The following CCDC7 variants were observed in gnomAD, a reference collection of about 807,000 sequenced individuals.
The protein encoded by CCDC7 is coiled-coil domain containing 7, also known as coiled-coil domain-containing protein 7.
CCDC7 carries 183 observed loss-of-function variants against 196.9 expected under a neutral mutation model. The ratio of observed to expected loss-of-function variants is 0.93; its 90% CI spans 0.82 to 1.05. CCDC7 has a LOEUF of 1.05. Among genes scored for constraint, CCDC7 ranks in the 50% least tolerant of loss-of-function variants. The probability of loss-of-function intolerance (pLI) is 0.00; values close to 1 mark genes in which losing one functional copy is unlikely to be tolerated. For synonymous variants in CCDC7, 525 were observed against 484.6 expected, an observed-to-expected ratio of 1.08 and a Z score of -1.10; for missense variants, 1,540 against 1,482.2, an observed-to-expected ratio of 1.04 and a Z score of -0.64.
Position 32,673,248 on chromosome 10 carries a change from T to C in CCDC7, c.2122+9087T>C, listed in dbSNP as rs2074358003. Among the ~76,000 whole-genome samples the C allele has an allele frequency of 2.0e-5, 3 of 152,164 alleles. 1 individual carries two copies. In the South Asian group the frequency reaches 6.2e-4, roughly 32 times the overall value. On this transcript the variant is annotated intron_variant, in intron 21 of 41. Transcript: ENST00000639629. Reference sequence around the variant, plus strand: ...TATGATGCCTCCAGTTTTTTTTTCTTGCTCCAGATTGCTTTGACTATTTGG... The same window carrying C: ...TATGATGCCTCCAGTTTTTTTTTCTCGCTCCAGATTGCTTTGACTATTTGG...
chr10:32,833,334 T>C (rs1309157960), intron 32 of CCDC7, among the ~76,000 whole-genome samples: 1 of 132,486 alleles, frequency 7.5e-6, no homozygotes, highest in Non-Finnish European at 1.6e-5. Flanking sequence ...GCAAATTGTA[T>C]GATATATTAC....
chr10:32,724,203 A>T (rs796913908), intron 25 of CCDC7, among the ~76,000 whole-genome samples: 2 of 152,096 alleles, frequency 1.3e-5, no homozygotes, highest in African/African-American at 4.8e-5. Context: ...GAAGTGCTCT[A>T]TGGGACTCCC....
intron 18 of CCDC7, among the ~76,000 whole-genome samples, chr10:32,588,796 G>A (rs192935165): frequency 8.9e-4 from 135 of 152,032 alleles, no homozygotes; most frequent in African/African-American, 3.0e-3. Context: ...TGTTGAAAGC[G>A]TTATGATTAC....
chr10:32,727,862 G>A (rs2083351991), intron 26 of CCDC7, among the ~76,000 whole-genome samples: 1 of 152,108 alleles, frequency 6.6e-6, no homozygotes, highest in East Asian at 1.9e-4. Context: ...TGGCATGAAA[G>A]AACCTAGAAA....
At chr10:32,649,131 G>T in intron 20 of CCDC7, among the ~76,000 whole-genome samples, 1 of 152,100 alleles carries the variant, frequency 6.6e-6, no homozygotes, top group East Asian at 1.9e-4. Flanking sequence ...ATACATGGGG[G>T]GATCAACACA....
At chr10:32,492,095 GTT>G in intron 9 of CCDC7, 98 bp downstream of exon 10, 1 of 1,186,132 alleles carries the variant, frequency 8.4e-7, no homozygotes, top group Non-Finnish European at 1.1e-6. Flanking sequence ...ATTGAAAAAA[GTT>G]AGTACGTGTT....
chr10:32,859,161 A>G (rs565937733), intron 41 of CCDC7, among the ~76,000 whole-genome samples: 2 of 152,178 alleles, frequency 1.3e-5, no homozygotes, highest in Non-Finnish European at 2.9e-5. Context: ...TGACCACTTA[A>G]TTGGAAGTAA....
chr10:32,582,106 C>CTATATA (rs6143863), intron 16 of CCDC7, among the ~76,000 whole-genome samples: 1,698 of 103,472 alleles, frequency 0.016, 72 homozygotes, highest in Middle Eastern at 0.032. Context: ...ACTGTCAGCA[C>CTATATA]TATATATATA....
intron 21 of CCDC7, among the ~76,000 whole-genome samples, chr10:32,666,402 G>A (rs1180865961): frequency 2.6e-5 from 4 of 151,714 alleles, no homozygotes; most frequent in African/African-American, 7.3e-5. Flanking sequence ...TATACTTTAC[G>A]TTCTAGGGTA....
At chr10:32,626,503 T>C (rs778984769) in intron 18 of CCDC7, among the ~76,000 whole-genome samples, 13 of 151,994 alleles carry the variant, frequency 8.6e-5, no homozygotes, top group African/African-American at 1.4e-4. Flanking sequence ...TTTCTCCTAA[T>C]TCATAGGTTG....
chr10:32,706,549 T>G (rs2079792674), intron 24 of CCDC7, among the ~76,000 whole-genome samples: 1 of 151,610 alleles, frequency 6.6e-6, no homozygotes, highest in African/African-American at 2.4e-5. Context: ...TTTGAAACAG[T>G]CAACAGAATA....
intron 21 of CCDC7, among the ~76,000 whole-genome samples, 154 bp downstream of exon 22, chr10:32,664,315 A>T (rs1489912766): frequency 6.6e-6 from 1 of 152,102 alleles, no homozygotes; most frequent in South Asian, 2.1e-4. Flanking sequence ...AATTGTGGAA[A>T]ATAAAATCAA....
At chr10:32,474,080 C>A in intron 8 of CCDC7, 57 bp downstream of exon 9, 1 of 1,550,746 alleles carries the variant, frequency 6.4e-7, no homozygotes, top group Non-Finnish European at 8.8e-7. Flanking sequence ...ACATTAATTT[C>A]TATAAAGTAA....
intron 9 of CCDC7, among the ~76,000 whole-genome samples, chr10:32,503,705 GTTC>G (rs200805899): frequency 0.017 from 2,640 of 152,222 alleles, 38 homozygotes; most frequent in Admixed American, 0.029. Context: ...GATTGTATTA[GTTC>G]TTCTTTAAAT....
intron 28 of CCDC7, among the ~76,000 whole-genome samples, chr10:32,750,081 G>A (rs2075421893): frequency 1.3e-5 from 2 of 152,016 alleles, no homozygotes; most frequent in Non-Finnish European, 2.9e-5. Context: ...CAACCTAATA[G>A]TTTTACCATT....
At chr10:32,704,476 A>G (rs1158531961) in intron 24 of CCDC7, among the ~76,000 whole-genome samples, 1 of 152,154 alleles carries the variant, frequency 6.6e-6, no homozygotes, top group Admixed American at 6.5e-5. Context: ...TTGAGGAGGC[A>G]GTCAGTCCAT....
Position 32,640,867 on chromosome 10 carries a change from T to TTC in CCDC7, c.2014+5710_2014+5711insCT, listed in dbSNP as rs1165259500. Among the ~76,000 whole-genome samples the TTC allele has an allele frequency of 3.1e-5, 2 of 65,004 alleles. 1 individual carries two copies. Among genetic ancestry groups the TTC allele is most frequent in the Non-Finnish European group, 1.0e-4 (2 of 19,906 alleles). The allele number at this position is 65,004 out of a possible 152,430, so 42.6% of individuals were successfully genotyped here. On this transcript the variant is annotated intron_variant, in intron 20 of 41. Transcript: ENST00000639629. The stretch of plus-strand genomic sequence containing the variant: ...TCTCTTCTGGCTTGTAGATTTTCTT[T>TTC]TTTTTTTTCTTTTTTTTTTTATTAT...
Position 32,830,394 on chromosome 10 carries a change from A to G in CCDC7, c.3269-4421A>G, listed in dbSNP as rs987834665. 1.2e-4 allele frequency among the ~76,000 whole-genome samples: 18 copies of G among 151,694 alleles called. 1 individual carries two copies. The highest frequency in any genetic ancestry group is 4.3e-4 in the African/African-American group (18 of 41,406). On this transcript the variant is annotated intron_variant, in intron 32 of 41. Coordinates refer to ENST00000639629, the Ensembl canonical transcript of CCDC7. ...ATGATAGACATGCAAAAAAGAAAAA[A>G]AAACAGGAAGATGTGTCCCATACAT... is the stretch of plus-strand genomic sequence containing the variant.
At chr10:32,523,497 C>T (rs747097624) in intron 11 of CCDC7, among the ~76,000 whole-genome samples, 1 of 150,558 alleles carries the variant, frequency 6.6e-6, no homozygotes, top group Non-Finnish European at 1.5e-5. Flanking sequence ...TGCAGTGAGC[C>T]GAGATTGCAC....
Sources: allele counts gnomAD v4.1 joint callset (sites outside exome capture counted in the v4.1 genomes callset), GRCh38; gene constraint gnomAD v4.1.1; transcripts MANE v1.5; gene names NCBI Gene and HGNC (gene_info 2026-07-23, HGNC 2026-07-21).